The following PRKDC variants were observed in gnomAD, a reference collection of about 807,000 sequenced individuals.
The protein encoded by PRKDC is protein kinase, DNA-activated, catalytic subunit.
PRKDC carries 82 observed loss-of-function variants against 486.9 expected under a neutral mutation model. The observed-to-expected ratio is 0.17, with a 90% confidence interval of 0.14 to 0.20. The LOEUF (loss-of-function observed/expected upper bound fraction) is 0.20, where lower values mean the gene tolerates loss of function less well. Ranked by LOEUF, PRKDC falls within the 10% of genes least tolerant of loss-of-function variation. The probability of loss-of-function intolerance (pLI) is 1.00; values close to 1 mark genes in which losing one functional copy is unlikely to be tolerated. For synonymous variants in PRKDC, 1,895 were observed against 1,837.0 expected, an observed-to-expected ratio of 1.03 and a Z score of -0.81; for missense variants, 4,504 against 5,038.2, an observed-to-expected ratio of 0.89 and a Z score of 3.21.
chr8:47,912,254 G>A (rs937996281), intron 25 of PRKDC, among the ~76,000 whole-genome samples, 156 bp downstream of exon 25: 1 of 152,146 alleles, frequency 6.6e-6, no homozygotes, highest in Non-Finnish European at 1.5e-5. Flanking sequence ...CCCAGGTCAT[G>A]CCCATGACCA....
chr8:47,820,539 G>A (rs1292087717), intron 66 of PRKDC, among the ~76,000 whole-genome samples, 180 bp downstream of exon 66: 2 of 151,808 alleles, frequency 1.3e-5, no homozygotes, highest in Non-Finnish European at 2.9e-5. Context: ...ATTATTGGAA[G>A]AACAGAAAGA....
chr8:47,817,660 C>A, intron 67 of PRKDC, 99 bp from the exon 68 acceptor site: 4 of 712,838 alleles, frequency 5.6e-6, no homozygotes, highest in Admixed American at 5.8e-5. Context: ...ACTTCCTGCC[C>A]AAATTACAAA....
At chr8:47,819,209 T>G (rs917304450) in intron 67 of PRKDC, among the ~76,000 whole-genome samples, 193 bp downstream of exon 67, 1 of 152,238 alleles carries the variant, frequency 6.6e-6, no homozygotes, top group Non-Finnish European at 1.5e-5. Context: ...GCAGCCCTGA[T>G]GCCTAGAACT....
intron 32 of PRKDC, 147 bp downstream of exon 32, chr8:47,890,110 C>G (rs2089427787): frequency 3.0e-6 from 1 of 336,238 alleles, no homozygotes; most frequent in Non-Finnish European, 5.0e-6. Flanking sequence ...TCAGGAAAAG[C>G]TGGGTTGAGA....
intron 69 of PRKDC, among the ~76,000 whole-genome samples, chr8:47,804,830 T>G (rs565406868): frequency 1.3e-5 from 2 of 152,138 alleles, no homozygotes; most frequent in African/African-American, 4.8e-5. Context: ...GGCACAATCT[T>G]GGCTCTCTGC....
At chr8:47,959,861 G>A in intron 1 of PRKDC, 112 bp downstream of exon 1, 1 of 1,450,936 alleles carries the variant, frequency 6.9e-7, no homozygotes. Flanking sequence ...GAATCTAATT[G>A]CTGTACTTCA....
intron 20 of PRKDC, 129 bp from the exon 21 acceptor site, chr8:47,927,482 A>G: frequency 9.0e-7 from 1 of 1,112,958 alleles, no homozygotes. Flanking sequence ...ACCGCTGGAG[A>G]GTTCAGTCCA....
chr8:47,774,319 C>A lies in PRKDC; in HGVS notation c.12241G>T (p.Ala4081Ser), dbSNP rs1356360952. The change falls in exon 86 of 86, where the codon GCA becomes TCA. Residue 4081 changes from alanine (A) to serine (S), a missense_variant. Coordinates refer to ENST00000314191, the MANE Select transcript of PRKDC (RefSeq NM_006904.7). Reference sequence around the variant, plus strand: ...ATGTTGTGATCTTTGCTTCCTCGTGCCACAGCCACATAGTCTCTGAAGGCA... The same window carrying A: ...ATGTTGTGATCTTTGCTTCCTCGTGACACAGCCACATAGTCTCTGAAGGCA... ...APAFRDYVAV[A>S]RGSKDHNIRA... The A allele has an allele frequency of 8.1e-6, 13 of 1,613,488 alleles. No homozygotes were observed. The highest frequency in any genetic ancestry group is 1.1e-5 in the Non-Finnish European group (13 of 1,179,774).
rs866888163 is a variant in PRKDC at position 47,853,956 on chromosome 8, C to T, written c.6893+127G>A. Reference sequence around the variant, plus strand: ...TGTTAGAATTACAGGCATGAGCCACCGTGCCTGGCCCAGAAACATTTGTAG... The same window carrying T: ...TGTTAGAATTACAGGCATGAGCCACTGTGCCTGGCCCAGAAACATTTGTAG... On this transcript the variant is annotated intron_variant, in intron 51 of 85. Transcript: ENST00000314191. 132 of 1,256,824 alleles carry T rather than the reference C, an allele frequency of 1.1e-4. No individual in the cohort carries two copies. The Middle Eastern group carries it at 2.3e-3, about 22-fold the overall frequency. The allele number at this position is 1,256,824 out of a possible 1,614,324, so 77.9% of individuals were successfully genotyped here.
At chr8:47,943,121 A>G (rs2090473235) in intron 10 of PRKDC, 88 bp downstream of exon 10, 3 of 1,421,780 alleles carry the variant, frequency 2.1e-6, no homozygotes, top group Admixed American at 2.3e-5. Flanking sequence ...ATCAACTTGT[A>G]TTTATTTTCA....
chr8:47,945,733 T>C (rs2090522643), intron 7 of PRKDC, among the ~76,000 whole-genome samples: 1 of 152,146 alleles, frequency 6.6e-6, no homozygotes, highest in South Asian at 2.1e-4. Flanking sequence ...TTCTATCCTT[T>C]TTTTTTGACA....
At position 47,915,315 on chromosome 8, in the gene PRKDC, A is replaced by G. The variant is rs1325534210; in HGVS notation, c.2617+13T>C. 1 of 1,455,260 alleles carries G rather than the reference A, an allele frequency of 6.9e-7. No individual in the cohort carries two copies. The highest frequency in any genetic ancestry group is 9.4e-7 in the Non-Finnish European group (1 of 1,063,994). The allele number at this position is 1,455,260 out of a possible 1,614,324, so 90.1% of individuals were successfully genotyped here. ...TATATCTACAGAGGTTATTTATTTT[A>G]AAAGAAGTTTACCTGTCAGAAGATT... On this transcript the variant is annotated intron_variant, in intron 23 of 85. Coordinates refer to ENST00000314191, the MANE Select transcript of PRKDC (RefSeq NM_006904.7).
At chr8:47,816,248 T>C (rs2087440302) in intron 68 of PRKDC, among the ~76,000 whole-genome samples, 1 of 151,922 alleles carries the variant, frequency 6.6e-6, no homozygotes, top group South Asian at 2.1e-4. Context: ...AGATGGACAC[T>C]GTGCCCCACG....
In PRKDC at chr8:47,777,794, G is replaced by A. The variant is rs2086631108; in HGVS notation, c.11934C>T (p.Gly3978=). The change falls in exon 84 of 86, where the codon GGC becomes GGT. Residue 3978 remains glycine (G), a synonymous_variant. Transcript: ENST00000314191. Reference sequence around the variant, plus strand: ...CGTGTACCATGATGCTGTACATAAGGCCCGTTTCTTTCATTGGTAACATCA... The same window carrying A: ...CGTGTACCATGATGCTGTACATAAGACCCGTTTCTTTCATTGGTAACATCA... ...INLMLPMKET[G]LMYSIMVHAL... 7.4e-6 allele frequency: 12 copies of A among 1,613,950 alleles called. No homozygotes were observed. Among genetic ancestry groups the A allele is most frequent in the Non-Finnish European group, 1.0e-5 (12 of 1,179,890 alleles).
intron 63 of PRKDC, 114 bp from the exon 64 acceptor site, chr8:47,824,110 TAAAG>T: frequency 9.3e-7 from 1 of 1,076,150 alleles, no homozygotes; most frequent in Non-Finnish European, 1.2e-6. Flanking sequence ...ACAAGAGACA[TAAAG>T]TGTTACTTTA....
chr8:47,782,481 C>T lies in PRKDC; in HGVS notation c.11293G>A (p.Glu3765Lys), dbSNP rs549215530. 1.3e-6 allele frequency: 2 copies of T among 1,583,622 alleles called. No individual in the cohort carries two copies. The highest frequency in any genetic ancestry group is 1.3e-5 in the African/African-American group (1 of 74,466). The change falls in exon 79 of 86, where the codon GAG becomes AAG. Residue 3765 changes from glutamate to lysine, a missense_variant. Around this residue, in one of 6 missense-constraint regions of PRKDC, gnomAD observed 706 missense variants for 945.0 expected, o/e 0.75. Coordinates refer to ENST00000314191, the MANE Select transcript of PRKDC (RefSeq NM_006904.7). The surrounding 1 kb of genome is among the most constrained non-coding windows in gnomAD (Gnocchi z 4.9). ...CCATTCATGACCTGGAAGAGCTGCT[C>T]CACGCGCTGGTCCTGCCGCAGGTCC... Reference protein sequence around the residue: ...GEDLRQDQRVEQLFQVMNGIL... With the variant: ...GEDLRQDQRVKQLFQVMNGIL...
At chr8:47,876,390 G>C (rs1440891889) in intron 40 of PRKDC, among the ~76,000 whole-genome samples, 1 of 152,088 alleles carries the variant, frequency 6.6e-6, no homozygotes, top group African/African-American at 2.4e-5. Context: ...GGCCAGGCGG[G>C]ATGGCTCACA....
chr8:47,904,798 T>A, intron 26 of PRKDC, 71 bp downstream of exon 26: 2 of 1,256,158 alleles, frequency 1.6e-6, no homozygotes, highest in Non-Finnish European at 1.1e-6. Context: ...CTCAAAAACA[T>A]AAATAAATAA....
At chr8:47,846,807 T>A (rs921410897) in intron 54 of PRKDC, among the ~76,000 whole-genome samples, 1 of 152,122 alleles carries the variant, frequency 6.6e-6, no homozygotes, top group East Asian at 1.9e-4. Flanking sequence ...TTGAGTAAAG[T>A]TCTAGGATAC....
Sources: gnomAD v4.1 joint callset for allele counts (sites outside exome capture counted in the v4.1 genomes callset) on GRCh38, gnomAD v4.1.1 for gene constraint, gnomAD v4.1.1 regional missense constraint, Gnocchi (gnomAD v3.1) non-coding constraint, MANE v1.5 for transcripts, NCBI Gene and HGNC (gene_info 2026-07-23, HGNC 2026-07-21) for gene names.